The following FAM131B variants were observed in gnomAD, a reference collection of about 807,000 sequenced individuals.
FAM131B encodes family with sequence similarity 131 member B.
In FAM131B, 19 loss-of-function variants were observed where a neutral mutation model predicts 42.0. The observed-to-expected ratio is 0.45, with a 90% CI of 0.32 to 0.66. FAM131B has a LOEUF of 0.66. FAM131B is among the 30% of genes least tolerant of loss of function. The pLI, the probability that FAM131B is intolerant of heterozygous loss-of-function variation, is 0.05. For synonymous variants in FAM131B, 183 were observed against 177.6 expected, an observed-to-expected ratio of 1.03 and a Z score of -0.24; for missense variants, 370 against 468.4, an observed-to-expected ratio of 0.79 and a Z score of 1.94.
intron 1 of FAM131B, chr7:143,360,406 T>C: frequency 6.0e-6 from 8 of 1,338,458 alleles, no homozygotes; most frequent in Non-Finnish European, 6.7e-6. Context: ...GGGTCAGAGG[T>C]TGGGTTTTAT....
rs1244957120 is a variant in FAM131B, at chr7:143,358,650, AAT to A, written c.466+175_466+176del. Among the ~76,000 whole-genome samples the A allele has an allele frequency of 5.9e-5, 9 of 152,198 alleles. No homozygotes were observed. The highest frequency in any genetic ancestry group is 1.0e-4 in the Non-Finnish European group (7 of 68,028). On this transcript the variant is annotated intron_variant, in intron 5 of 6. Transcript: ENST00000443739. This position sits in a 1 kb window ranked among gnomAD's most constrained non-coding sequence, Gnocchi z 4.7. ...ACGCATTTTCTGAGATGATTATAAA[AAT>A]ATGTTTGAGGGCACTTATTTGAATT... is the stretch of plus-strand genomic sequence containing the variant.
chr7:143,367,083 T>C (rs1297132236), upstream of FAM131B, among the ~76,000 whole-genome samples: 3 of 152,004 alleles, frequency 2.0e-5, no homozygotes, highest in Admixed American at 1.3e-4. Flanking sequence ...TCGATATAGT[T>C]CTCCCCCGAC....
the FAM131B span, chr7:143,380,726 G>A: frequency 3.0e-6 from 3 of 985,474 alleles, no homozygotes; most frequent in Non-Finnish European, 3.6e-6. This position sits in a 1 kb window ranked among gnomAD's most constrained non-coding sequence, Gnocchi z 5.0. Flanking sequence ...CCCCCTCCGG[G>A]CACAGAGTCA....
chr7:143,367,182 G>A (rs990346416), upstream of FAM131B, among the ~76,000 whole-genome samples: 1 of 152,228 alleles, frequency 6.6e-6, no homozygotes, highest in Admixed American at 6.5e-5. Flanking sequence ...GTTTGCTGAG[G>A]AAGGATGGCT....
Position 143,354,161 on chromosome 7 carries a change from A to C in FAM131B, c.*2389T>G, listed in dbSNP as rs959939525. The C allele has an allele frequency of 2.0e-5, 3 of 152,440 alleles. No homozygotes were observed. Among genetic ancestry groups the C allele is most frequent in the Admixed American group, 6.6e-5 (1 of 15,254 alleles). 9.4% of individuals were successfully genotyped at this position (152,440 alleles called of 1,614,324 possible). On this transcript the variant is annotated 3_prime_UTR_variant, in exon 7 of 7. Transcript: ENST00000443739. The stretch of plus-strand genomic sequence containing the variant: ...CAGAGCGAGTAGGAGCTCCTTGCAG[A>C]AGACAGACCCCCACCTGACTTCCAT...
In FAM131B at chr7:143,359,583, C is replaced by T; in HGVS notation, c.174+149G>A. The T allele has an allele frequency of 1.1e-6, 1 of 939,446 alleles. No individual in the cohort carries two copies. Among genetic ancestry groups the T allele is most frequent in the Non-Finnish European group, 1.7e-6 (1 of 588,048 alleles). 58.2% of individuals were successfully genotyped at this position (939,446 alleles called of 1,614,324 possible). A position where few individuals can be genotyped will look rare whatever the true frequency, so the allele number is the denominator to read the frequency against. On this transcript the variant is annotated intron_variant, in intron 3 of 6. Transcript: ENST00000443739. The surrounding 1 kb of genome is among the most constrained non-coding windows in gnomAD (Gnocchi z 5.4). ...CCCAAGGAGGGATATATCCCCAGTGCTCTGGAAAACTGGGGCACAGGTTGA... is the reference window on the plus strand; with the variant it reads ...CCCAAGGAGGGATATATCCCCAGTGTTCTGGAAAACTGGGGCACAGGTTGA...
rs954863514 is a variant in FAM131B, at chr7:143,358,433, T to C, written c.466+394A>G. Among the ~76,000 whole-genome samples, 22 of 152,196 alleles carry C rather than the reference T, an allele frequency of 1.4e-4. No individual in the cohort carries two copies. The highest frequency in any genetic ancestry group is 5.1e-4 in the African/African-American group (21 of 41,440). On this transcript the variant is annotated intron_variant, in intron 5 of 6. Transcript: ENST00000443739. The surrounding 1 kb of genome is among the most constrained non-coding windows in gnomAD (Gnocchi z 4.7). ...TAGTGGTTGTCACAAGTAATGAGTC[T>C]AGTAGGCAAATTCATGACTCGAAAT... is the stretch of plus-strand genomic sequence containing the variant.
chr7:143,368,357 A>G, the FAM131B span, among the ~76,000 whole-genome samples: 11 of 152,234 alleles, frequency 7.2e-5, no homozygotes, highest in Non-Finnish European at 1.6e-4. Context: ...AATACAAGGC[A>G]GTTGTTTGTT....
chr7:143,359,004 C>T lies in FAM131B; in HGVS notation c.289G>A (p.Asp97Asn). 1 of 1,613,868 alleles carries T rather than the reference C, an allele frequency of 6.2e-7. No homozygotes were observed. Among genetic ancestry groups the T allele is most frequent in the Non-Finnish European group, 8.5e-7 (1 of 1,179,988 alleles). ...SFSGISRSMK[D>N]HVTKPTAMGQ... ...ATGGCTGTGGGCTTTGTCACATGGT[C>T]CTTCATGCTCCGTGAGATCCCTATG... is the stretch of plus-strand genomic sequence containing the variant. The change falls in exon 5 of 7, where the codon GAC becomes AAC. Residue 97 changes from aspartate to asparagine, a missense_variant. Asp to Asn is a conservative substitution (Grantham distance 23). Transcript: ENST00000443739. The surrounding 1 kb of genome is among the most constrained non-coding windows in gnomAD (Gnocchi z 5.4).
chr7:143,380,851 C>T, the FAM131B span: 1 of 907,688 alleles, frequency 1.1e-6, no homozygotes, highest in Non-Finnish European at 1.3e-6. This position sits in a 1 kb window ranked among gnomAD's most constrained non-coding sequence, Gnocchi z 5.0. Context: ...GGCCGGGTAG[C>T]GGGTGGTGGC....
chr7:143,359,401 T>C lies in FAM131B; in HGVS notation c.193A>G (p.Thr65Ala), dbSNP rs781685383. Reference protein sequence around the residue: ...DGINLSMEDTTSILPKLKRNS... With the variant: ...DGINLSMEDTASILPKLKRNS... ...CGCTTAAGCTTCGGAAGAATGGAAGTGGTGTCCTCCATGGAGAGCTGGGAT... is the reference window on the plus strand; with the variant it reads ...CGCTTAAGCTTCGGAAGAATGGAAGCGGTGTCCTCCATGGAGAGCTGGGAT... The change falls in exon 4 of 7, where the codon ACT becomes GCT. Residue 65 changes from threonine to alanine, a missense_variant. Coordinates refer to ENST00000443739, the MANE Select transcript of FAM131B (RefSeq NM_001031690.3). The surrounding 1 kb of genome is among the most constrained non-coding windows in gnomAD (Gnocchi z 5.4). 3 of 1,613,270 alleles carry C rather than the reference T, an allele frequency of 1.9e-6. No homozygotes were observed. The highest frequency in any genetic ancestry group is 3.3e-5 in the Admixed American group (2 of 59,990).
rs1803597084 is a variant in FAM131B, at chr7:143,355,190, C to G, written c.*1360G>C. Reference sequence around the variant, plus strand: ...GGCCAAGTGCTCTCCAACCCCACAGCACCGCTGCTTTGCTCCGCCCATCCT... The same window carrying G: ...GGCCAAGTGCTCTCCAACCCCACAGGACCGCTGCTTTGCTCCGCCCATCCT... On this transcript the variant is annotated 3_prime_UTR_variant, in exon 7 of 7. Coordinates refer to ENST00000443739, the MANE Select transcript of FAM131B (RefSeq NM_001031690.3). This position sits in a 1 kb window ranked among gnomAD's most constrained non-coding sequence, Gnocchi z 4.1. 6.5e-6 allele frequency: 1 copy of G among 152,720 alleles called. No individual in the cohort carries two copies. Among genetic ancestry groups the G allele is most frequent in the Non-Finnish European group, 1.5e-5 (1 of 68,446 alleles). The allele number at this position is 152,720 out of a possible 1,614,324, so 9.5% of individuals were successfully genotyped here.
At chr7:143,357,471 G>C (rs751421747) in intron 5 of FAM131B, 48 bp from the exon 6 acceptor site, 10 of 1,564,172 alleles carry the variant, frequency 6.4e-6, no homozygotes, top group Admixed American at 1.8e-5. Flanking sequence ...GGAATCCTTA[G>C]ACATGTGCGT....
At chr7:143,374,393 T>A in the FAM131B span, among the ~76,000 whole-genome samples, 1 of 152,154 alleles carries the variant, frequency 6.6e-6, no homozygotes, top group Non-Finnish European at 1.5e-5. Context: ...AGCTCTCTAC[T>A]CTATCCACTT....
Position 143,357,026 on chromosome 7 carries a change from G to A in FAM131B, c.611-4C>T. 1 of 1,604,578 alleles carries A rather than the reference G, an allele frequency of 6.2e-7. No individual in the cohort carries two copies. Among genetic ancestry groups the A allele is most frequent in the Non-Finnish European group, 8.5e-7 (1 of 1,172,030 alleles). ...ATGGGTGCTTGAGCCAGGGCATCTG[G>A]AAAAAGAATCATGGAGGTCAGTGGG... On this transcript the variant is annotated splice_region_variant and splice_polypyrimidine_tract_variant and intron_variant, in intron 6 of 6. Transcript: ENST00000443739.
In FAM131B at chr7:143,356,524, G is replaced by A; in HGVS notation, c.*26C>T. On this transcript the variant is annotated 3_prime_UTR_variant, in exon 7 of 7. Coordinates refer to ENST00000443739, the MANE Select transcript of FAM131B (RefSeq NM_001031690.3). This position sits in a 1 kb window ranked among gnomAD's most constrained non-coding sequence, Gnocchi z 4.4. ...ACAGCCATGGCCCTCAGGTGGGAGT[G>A]GAAGGCAGGGCATTGGGGGAGGAAA... The A allele has an allele frequency of 1.9e-6, 3 of 1,556,016 alleles. No homozygotes were observed. The highest frequency in any genetic ancestry group is 2.7e-6 in the Non-Finnish European group (3 of 1,130,752).
chr7:143,357,431 A>G lies in FAM131B; in HGVS notation c.467-8T>C. ...CAAACTGCTCCATGACGCCTGGGGGAAGAAATGCAACAACCACAAAATACC... is the reference window on the plus strand; with the variant it reads ...CAAACTGCTCCATGACGCCTGGGGGGAGAAATGCAACAACCACAAAATACC... On this transcript the variant is annotated splice_region_variant and splice_polypyrimidine_tract_variant and intron_variant, in intron 5 of 6. Transcript: ENST00000443739. 6.2e-7 allele frequency: 1 copy of G among 1,602,060 alleles called. No homozygotes were observed. The highest frequency in any genetic ancestry group is 8.5e-7 in the Non-Finnish European group (1 of 1,174,812).
chr7:143,377,864 C>A, the FAM131B span, among the ~76,000 whole-genome samples: 4 of 152,112 alleles, frequency 2.6e-5, no homozygotes, highest in Non-Finnish European at 4.4e-5. Flanking sequence ...CAGGCACGTG[C>A]CACCACGCCC....
At chr7:143,361,990 G>T (rs1804021816) in intron 1 of FAM131B, 5 of 807,230 alleles carry the variant, frequency 6.2e-6, no homozygotes, top group African/African-American at 1.9e-5. Flanking sequence ...GGCTCATCCC[G>T]CCCCCGCCCC....
Sources: gnomAD v4.1 joint callset for allele counts (sites outside exome capture counted in the v4.1 genomes callset) on GRCh38, gnomAD v4.1.1 for gene constraint, Gnocchi (gnomAD v3.1) non-coding constraint, MANE v1.5 for transcripts, NCBI Gene and HGNC (gene_info 2026-07-23, HGNC 2026-07-21) for gene names.